Variants in YIPF7 observed in about 807,000 individuals in gnomAD.
YIPF7 encodes the protein Yip1 domain family member 7.
In YIPF7, 35 loss-of-function variants were observed where a neutral mutation model predicts 27.2. The ratio of observed to expected loss-of-function variants is 1.29; its 90% CI spans 0.98 to 1.70. YIPF7 has a LOEUF of 1.70. YIPF7 is among the 40% of genes most tolerant of loss of function. The pLI, the probability that YIPF7 is intolerant of heterozygous loss-of-function variation, is 0.00. For missense variants in YIPF7, 358 were observed against 303.7 expected, an observed-to-expected ratio of 1.18 and a Z score of -1.33; for synonymous variants, 137 against 110.4, an observed-to-expected ratio of 1.24 and a Z score of -1.51.
At chr4:44,661,402 C>T (rs1468346100) in intron 1 of YIPF7, among the ~76,000 whole-genome samples, 2 of 152,194 alleles carry the variant, frequency 1.3e-5, no homozygotes, top group Non-Finnish European at 2.9e-5. Flanking sequence ...AGAAAAGGGC[C>T]TGTCTTGGGA....
At chr4:44,646,811 A>G (rs1362924241) in intron 2 of YIPF7, among the ~76,000 whole-genome samples, 2 of 152,152 alleles carry the variant, frequency 1.3e-5, no homozygotes, top group Non-Finnish European at 2.9e-5. Flanking sequence ...AGGAAGAGAG[A>G]GAGTGAAAGA....
At chr4:44,653,028 A>C (rs1713782481), upstream of YIPF7, among the ~76,000 whole-genome samples, 1 of 152,084 alleles carries the variant, frequency 6.6e-6, no homozygotes, top group Non-Finnish European at 1.5e-5. Context: ...ATACTCAGGG[A>C]AGGCTTCTTA....
rs377136531 is a variant in YIPF7, at chr4:44,649,978, T to A, written c.116+7A>T. On this transcript the variant is annotated splice_region_variant and intron_variant, in intron 2 of 5. Coordinates refer to ENST00000415895, the MANE Select transcript of YIPF7 (RefSeq NM_182592.3). ...AAAAAAAAAAAAGAAAAATATTAAG[T>A]ACTTACTTTCTAGATCCATAAAGAT... 5 of 1,394,042 alleles carry A rather than the reference T, an allele frequency of 3.6e-6. No homozygotes were observed. Among genetic ancestry groups the A allele is most frequent in the East Asian group, 2.5e-5 (1 of 40,596 alleles). The allele number at this position is 1,394,042 out of a possible 1,614,324, so 86.4% of individuals were successfully genotyped here.
chr4:44,662,033 C>A (rs770640424), intron 1 of YIPF7, among the ~76,000 whole-genome samples: 4 of 152,124 alleles, frequency 2.6e-5, no homozygotes, highest in Non-Finnish European at 5.9e-5. Flanking sequence ...TGAACATGTG[C>A]TTTTCTTCAG....
intron 2 of YIPF7, among the ~76,000 whole-genome samples, chr4:44,644,240 CA>C (rs1173849920): frequency 2.0e-5 from 3 of 152,190 alleles, no homozygotes; most frequent in Non-Finnish European, 4.4e-5. Flanking sequence ...AGCTTTAACA[CA>C]GGGGTGTCCA....
At chr4:44,651,761 T>TACAAAC (rs1317332909), upstream of YIPF7, 12 of 487,682 alleles carry the variant, frequency 2.5e-5, no homozygotes, top group East Asian at 3.6e-4. Flanking sequence ...TATTATGGTT[T>TACAAAC]ACAAACACAG....
chr4:44,631,837 A>G (rs114883534), intron 3 of YIPF7, among the ~76,000 whole-genome samples: 2,076 of 152,292 alleles, frequency 0.014, 24 homozygotes, highest in South Asian at 0.029. Context: ...TAATTTCACC[A>G]GAAATTTATG....
chr4:44,632,777 C>T (rs952720928), intron 3 of YIPF7, among the ~76,000 whole-genome samples: 3 of 152,148 alleles, frequency 2.0e-5, no homozygotes, highest in Non-Finnish European at 4.4e-5. Flanking sequence ...AGGCTTGAGG[C>T]TTTCACAAGT....
Position 44,643,662 on chromosome 4 carries a change from C to T in YIPF7, c.116+6323G>A, listed in dbSNP as rs568226376. ...GAAGAATGGTTTCATGGGCCAGGCCCAGGACCCCTCTTCCCTTCATAGCCT... is the reference window on the plus strand; with the variant it reads ...GAAGAATGGTTTCATGGGCCAGGCCTAGGACCCCTCTTCCCTTCATAGCCT... On this transcript the variant is annotated intron_variant, in intron 2 of 5. Coordinates refer to ENST00000415895, the MANE Select transcript of YIPF7 (RefSeq NM_182592.3). 5.6e-4 allele frequency among the ~76,000 whole-genome samples: 85 copies of T among 152,276 alleles called. 3 individuals carry two copies. In the South Asian group the frequency reaches 0.017, roughly 31 times the overall value.
chr4:44,655,329 A>G, upstream of YIPF7, among the ~76,000 whole-genome samples: 1 of 152,012 alleles, frequency 6.6e-6, no homozygotes, highest in Non-Finnish European at 1.5e-5. Flanking sequence ...AGAGAAGCAA[A>G]TTGATTTGTG....
At chr4:44,632,691 C>T (rs1341847919) in intron 3 of YIPF7, among the ~76,000 whole-genome samples, 3 of 152,052 alleles carry the variant, frequency 2.0e-5, no homozygotes, top group African/African-American at 7.2e-5. Context: ...TTATTTAATG[C>T]GTTATCCTAG....
chr4:44,660,960 A>G (rs1714029761), intron 1 of YIPF7, among the ~76,000 whole-genome samples: 1 of 152,222 alleles, frequency 6.6e-6, no homozygotes, highest in Non-Finnish European at 1.5e-5. Context: ...TTCCAGACAA[A>G]ATACAGAAAA....
At chr4:44,656,792 C>T (rs1233637087) in intron 2 of YIPF7, among the ~76,000 whole-genome samples, 1 of 151,838 alleles carries the variant, frequency 6.6e-6, no homozygotes, top group Admixed American at 6.6e-5. Flanking sequence ...AGAGAGACTG[C>T]AATTAGAGAT....
intron 2 of YIPF7, among the ~76,000 whole-genome samples, chr4:44,643,739 A>G (rs969131149): frequency 2.0e-5 from 3 of 152,074 alleles, no homozygotes; most frequent in African/African-American, 7.2e-5. Context: ...CTTGGGGCAA[A>G]TGAGCCCAGT....
rs1394289262 is a variant in YIPF7, at chr4:44,624,713, G to T, written c.496C>A (p.Leu166Met). 1.2e-6 allele frequency: 2 copies of T among 1,611,010 alleles called. No homozygotes were observed. The highest frequency in any genetic ancestry group is 1.7e-6 in the Non-Finnish European group (2 of 1,178,750). The change falls in exon 5 of 6, where the codon CTG becomes ATG. Residue 166 changes from leucine to methionine, a missense_variant. Leu to Met is a conservative substitution (Grantham distance 15, BLOSUM62 2). Transcript: ENST00000415895. ...AIGCLVIHAL[L>M]NLMSSSGVSY... ...ACCCCTGAAGAGCTCATCAGGTTCA[G>T]CAAGGCATGAATCACAAGGCAGCCA... is the stretch of plus-strand genomic sequence containing the variant.
intron 2 of YIPF7, among the ~76,000 whole-genome samples, chr4:44,645,115 C>T (rs116271384): frequency 0.028 from 4,254 of 152,214 alleles, 191 homozygotes; most frequent in African/African-American, 0.098. Flanking sequence ...TTATAAATTA[C>T]CCAGTCTCGA....
At chr4:44,626,761 A>ATT (rs1560322885) in intron 4 of YIPF7, among the ~76,000 whole-genome samples, 5 of 56,700 alleles carry the variant, frequency 8.8e-5, no homozygotes, top group African/African-American at 2.0e-4. Flanking sequence ...TCATTAGCAC[A>ATT]TCTTTTTTTT....
chr4:44,631,082 C>T (rs923626069), intron 3 of YIPF7, among the ~76,000 whole-genome samples: 2 of 152,140 alleles, frequency 1.3e-5, no homozygotes, highest in East Asian at 1.9e-4. Context: ...TATTTTATCC[C>T]TACTTTATGC....
chr4:44,641,006 A>T (rs943953263), intron 2 of YIPF7, among the ~76,000 whole-genome samples: 1 of 151,902 alleles, frequency 6.6e-6, no homozygotes, highest in East Asian at 1.9e-4. Flanking sequence ...TCCTTCTCAC[A>T]GTTTCCTGGT....
Sources: gnomAD v4.1 joint callset for allele counts (sites outside exome capture counted in the v4.1 genomes callset) on GRCh38, gnomAD v4.1.1 for gene constraint, MANE v1.5 for transcripts, NCBI Gene and HGNC (gene_info 2026-07-23, HGNC 2026-07-21) for gene names.